The following METTL2A variants were observed in gnomAD, a reference collection of about 807,000 sequenced individuals.
The protein encoded by METTL2A is tRNA N(3)-cytidine methyltransferase METTL2A.
In METTL2A, 45 loss-of-function variants were observed where a neutral mutation model predicts 49.4. The observed-to-expected ratio is 0.91, with a 90% CI of 0.72 to 1.17. The LOEUF is 1.17. Among genes scored for constraint, METTL2A ranks in the 50% most tolerant of loss-of-function variants. METTL2A has a pLI of 0.00. For synonymous variants in METTL2A, 118 were observed against 167.5 expected (o/e 0.70, Z 2.28); for missense variants, 361 against 462.2 (o/e 0.78, Z 2.01).
chr17:62,442,400 C>G (rs532704161), intron 6 of METTL2A, among the ~76,000 whole-genome samples: 17 of 152,134 alleles, frequency 1.1e-4, no homozygotes, highest in African/African-American at 3.6e-4. Context: ...CTCAGCCTCC[C>G]GAGCAGCTGG....
At chr17:62,431,646 C>CT (rs1435757126) in intron 4 of METTL2A, among the ~76,000 whole-genome samples, 2 of 152,156 alleles carry the variant, frequency 1.3e-5, no homozygotes, top group Non-Finnish European at 2.9e-5. Context: ...CATTTGTTTT[C>CT]TTTTTATATA....
intron 5 of METTL2A, among the ~76,000 whole-genome samples, chr17:62,438,221 A>G (rs975318839): frequency 2.6e-5 from 4 of 152,068 alleles, no homozygotes; most frequent in African/African-American, 9.7e-5. Flanking sequence ...AGCCTGGCCA[A>G]TATGGTGAAA....
At position 62,448,654 on chromosome 17, in the gene METTL2A, A is replaced by G. The variant is rs2070784894; in HGVS notation, c.1062A>G (p.Arg354=). The G allele has an allele frequency of 6.2e-7, 1 of 1,614,230 alleles. No homozygotes were observed. The highest frequency in any genetic ancestry group is 8.5e-7 in the Non-Finnish European group (1 of 1,180,046). Reference sequence around the variant, plus strand: ...TGGATCGCCGACTGCAGGTGAACCGAGGAAAGCAACTGACAATGTACCGGG... The same window carrying G: ...TGGATCGCCGACTGCAGGTGAACCGGGGAAAGCAACTGACAATGTACCGGG... ...NLVDRRLQVN[R]GKQLTMYRVW... is the part of the protein sequence containing the mutation. Residue 354 remains arginine, a synonymous_variant, in exon 9 of 9, where the codon CGA becomes CGG. Transcript: ENST00000311506.
At chr17:62,425,562 A>C (rs1024874555) in intron 2 of METTL2A, among the ~76,000 whole-genome samples, 6 of 147,490 alleles carry the variant, frequency 4.1e-5, no homozygotes, top group African/African-American at 1.5e-4. Context: ...AATTTTTTGT[A>C]TTTTAGTACA....
At chr17:62,439,938 T>G (rs1366181990) in intron 5 of METTL2A, among the ~76,000 whole-genome samples, 2 of 152,144 alleles carry the variant, frequency 1.3e-5, no homozygotes, top group East Asian at 3.8e-4. Context: ...CTTCAATTAT[T>G]CCTGATCTTT....
At position 62,448,697 on chromosome 17, in the gene METTL2A, T is replaced by C; in HGVS notation, c.1105T>C (p.Tyr369His). 6.2e-7 allele frequency: 1 copy of C among 1,614,082 alleles called. No homozygotes were observed. Among genetic ancestry groups the C allele is most frequent in the East Asian group, 2.2e-5 (1 of 44,878 alleles). ...GTACCGGGTTTGGATTCAGTGCAAA[T>C]ACTGCAAGCCCCTTCTGTCCAGCAC... ...TMYRVWIQCKYCKPLLSSTS is the reference protein window; with the variant it reads ...TMYRVWIQCKHCKPLLSSTS The change falls in exon 9 of 9, where the codon TAC (tyrosine) becomes CAC (histidine). Residue 369 changes from tyrosine to histidine, a missense_variant. Physicochemically the swap from Tyr to His is moderately conservative, Grantham distance 83 (BLOSUM62 2). Coordinates refer to ENST00000311506, the MANE Select transcript of METTL2A (RefSeq NM_181725.4).
chr17:62,432,821 A>G (rs1286665053), intron 4 of METTL2A, among the ~76,000 whole-genome samples: 1 of 151,570 alleles, frequency 6.6e-6, no homozygotes, highest in African/African-American at 2.4e-5. Flanking sequence ...AAAATTGCCA[A>G]GCATGCTGGC....
Position 62,424,001 on chromosome 17 carries a change from C to T in METTL2A, c.99C>T (p.His33=). 6.2e-7 allele frequency: 1 copy of T among 1,613,936 alleles called. No individual in the cohort carries two copies. The highest frequency in any genetic ancestry group is 1.1e-5 in the South Asian group (1 of 90,988). ...TGAGAGATCCGGCGCGCGTCTTCCA[C>T]CACAATGCCTGGTAATCACTCTGCC... is the stretch of plus-strand genomic sequence containing the variant. ...RFLRDPARVF[H]HNAWDNVEWS... Residue 33 remains histidine, a synonymous_variant, in exon 1 of 9, where the codon CAC becomes CAT. Coordinates refer to ENST00000311506, the MANE Select transcript of METTL2A (RefSeq NM_181725.4).
rs2144150550 is a variant in METTL2A at position 62,440,606 on chromosome 17, T to C, written c.670-11T>C. 1.2e-6 allele frequency: 2 copies of C among 1,600,520 alleles called. No homozygotes were observed. Among genetic ancestry groups the C allele is most frequent in the Admixed American group, 1.8e-5 (1 of 55,756 alleles). On this transcript the variant is annotated splice_polypyrimidine_tract_variant and intron_variant, in intron 5 of 8. Transcript: ENST00000311506. ...TTTTCTAACTTACCTGTGTCTTCCA[T>C]CTGTCTGCAGACAAATTCAGAATAT... is the stretch of plus-strand genomic sequence containing the variant.
chr17:62,441,743 C>CT (rs148727051), intron 6 of METTL2A, among the ~76,000 whole-genome samples: 19,686 of 134,510 alleles, frequency 0.15, 3,462 homozygotes, highest in East Asian at 0.45. Flanking sequence ...CTATGCTGGC[C>CT]TTTTTTTTTT....
chr17:62,432,676 C>A (rs2070673758), intron 4 of METTL2A, among the ~76,000 whole-genome samples: 1 of 152,180 alleles, frequency 6.6e-6, no homozygotes, highest in Admixed American at 6.5e-5. Flanking sequence ...GTGGCAGGCA[C>A]CTGTAGTCCC....
At chr17:62,447,290 GGA>G (rs2070775285) in intron 7 of METTL2A, among the ~76,000 whole-genome samples, 2 of 152,028 alleles carry the variant, frequency 1.3e-5, no homozygotes, top group Non-Finnish European at 2.9e-5. Flanking sequence ...CATGGTGGTG[GGA>G]ACCTGTAATC....
At position 62,452,963 on chromosome 17, in the gene METTL2A, T is replaced by C. The variant is rs1313269566; in HGVS notation, c.*4234T>C. Among the ~76,000 whole-genome samples the C allele has an allele frequency of 6.6e-6, 1 of 152,202 alleles. No homozygotes were observed. Among genetic ancestry groups the C allele is most frequent in the Non-Finnish European group, 1.5e-5 (1 of 68,038 alleles). Reference sequence around the variant, plus strand: ...AAGGGAGGAAGAGAGCTCCCATCTTTTCCATTACTGTATTTACTTAAAACT... The same window carrying C: ...AAGGGAGGAAGAGAGCTCCCATCTTCTCCATTACTGTATTTACTTAAAACT... On this transcript the variant is annotated 3_prime_UTR_variant, in exon 9 of 9. Transcript: ENST00000311506.
In METTL2A at chr17:62,451,763, G is replaced by A. The variant is rs1255501318; in HGVS notation, c.*3034G>A. 1.3e-5 allele frequency among the ~76,000 whole-genome samples: 2 copies of A among 152,242 alleles called. No homozygotes were observed. Among genetic ancestry groups the A allele is most frequent in the African/African-American group, 4.8e-5 (2 of 41,572 alleles). On this transcript the variant is annotated 3_prime_UTR_variant, in exon 9 of 9. Coordinates refer to ENST00000311506, the MANE Select transcript of METTL2A (RefSeq NM_181725.4). The stretch of plus-strand genomic sequence containing the variant: ...AAAATAGCCAGGTGTGATGGCGCAT[G>A]CCTGTAACCCCATCCACTTGGAAGG...
chr17:62,448,760 C>G lies in METTL2A; in HGVS notation c.*31C>G. On this transcript the variant is annotated 3_prime_UTR_variant, in exon 9 of 9. Coordinates refer to ENST00000311506, the MANE Select transcript of METTL2A (RefSeq NM_181725.4). ...ACCTGCTGCCAACACGATGCAAGCC[C>G]ATTGTGTTTCCGGGCTTTTTTAAAA... is the stretch of plus-strand genomic sequence containing the variant. 8.7e-6 allele frequency: 14 copies of G among 1,608,296 alleles called. No homozygotes were observed. The highest frequency in any genetic ancestry group is 1.1e-5 in the Non-Finnish European group (13 of 1,176,624).
intron 6 of METTL2A, among the ~76,000 whole-genome samples, chr17:62,442,674 G>A (rs892611610): frequency 6.6e-6 from 1 of 152,194 alleles, no homozygotes; most frequent in African/African-American, 2.4e-5. Flanking sequence ...CTGCCAGAGT[G>A]CAGTGAGTCT....
chr17:62,431,690 C>T (rs529869588), intron 4 of METTL2A, among the ~76,000 whole-genome samples: 2 of 151,958 alleles, frequency 1.3e-5, no homozygotes, highest in Admixed American at 6.6e-5. Context: ...GTGTATAATA[C>T]AGTGGTTTTT....
chr17:62,428,236 T>C (rs890028215), intron 4 of METTL2A, among the ~76,000 whole-genome samples: 5 of 152,330 alleles, frequency 3.3e-5, no homozygotes, highest in African/African-American at 1.2e-4. Context: ...TGAAGAACAG[T>C]CAGTGGCTGA....
intron 5 of METTL2A, among the ~76,000 whole-genome samples, chr17:62,438,177 C>T (rs577123061): frequency 3.3e-5 from 5 of 151,976 alleles, no homozygotes; most frequent in Admixed American, 6.6e-5. Context: ...GAGGCTAAGA[C>T]GGGCAGATCA....
Sources: gnomAD v4.1 joint callset for allele counts (sites outside exome capture counted in the v4.1 genomes callset) on GRCh38, gnomAD v4.1.1 for gene constraint, MANE v1.5 for transcripts, NCBI Gene and HGNC (gene_info 2026-07-23, HGNC 2026-07-21) for gene names.